Variants in SMARCC1 observed in about 807,000 individuals in gnomAD.
SMARCC1 encodes SWI/SNF related BAF chromatin remodeling complex subunit C1, also known as SWI/SNF complex subunit SMARCC1.
SMARCC1 carries 43 observed loss-of-function variants against 147.4 expected under a neutral mutation model. The ratio of observed to expected loss-of-function variants is 0.29; its 90% confidence interval spans 0.23 to 0.38. The LOEUF is 0.38. SMARCC1 is among the 10% of genes least tolerant of loss of function. The pLI is 1.00. For synonymous variants in SMARCC1, 495 were observed against 484.4 expected (o/e 1.02, Z -0.29); for missense variants, 1,119 against 1,381.1 (o/e 0.81, Z 3.01).
chr3:47,618,746 G>A (rs1461889081), intron 25 of SMARCC1, among the ~76,000 whole-genome samples: 4 of 152,082 alleles, frequency 2.6e-5, no homozygotes, highest in African/African-American at 9.7e-5. Context: ...ACAGACAACA[G>A]ATCCATCAGA....
At chr3:47,678,853 A>C (rs1029522161) in intron 15 of SMARCC1, among the ~76,000 whole-genome samples, 1 of 152,232 alleles carries the variant, frequency 6.6e-6, no homozygotes, top group African/African-American at 2.4e-5. Flanking sequence ...GTAGCTCTTC[A>C]ATCTATGCTC....
intron 5 of SMARCC1, among the ~76,000 whole-genome samples, chr3:47,732,836 G>A (rs746186668): frequency 1.2e-4 from 18 of 152,032 alleles, no homozygotes; most frequent in Admixed American, 2.0e-4. Flanking sequence ...TAAGCCAGGC[G>A]CGGTGGCTCA....
chr3:47,634,057 C>T (rs2106700873), intron 24 of SMARCC1, among the ~76,000 whole-genome samples: 1 of 152,152 alleles, frequency 6.6e-6, no homozygotes, highest in South Asian at 2.1e-4. Context: ...CTCAAAACTT[C>T]CCAGAGGGGG....
At chr3:47,667,215 G>A (rs1448991669) in intron 19 of SMARCC1, among the ~76,000 whole-genome samples, 1 of 152,020 alleles carries the variant, frequency 6.6e-6, no homozygotes, top group Non-Finnish European at 1.5e-5. Flanking sequence ...CTACTTGGGA[G>A]GCCGAGGCAG....
chr3:47,594,469 T>A lies in SMARCC1; in HGVS notation c.3044-3632A>T, dbSNP rs562417075. Among the ~76,000 whole-genome samples, 6 of 152,286 alleles carry A rather than the reference T, an allele frequency of 3.9e-5. No individual in the cohort carries two copies. In the East Asian group the frequency reaches 1.2e-3, roughly 29 times the overall value. On this transcript the variant is annotated intron_variant, in intron 26 of 27. Coordinates refer to ENST00000254480, the MANE Select transcript of SMARCC1 (RefSeq NM_003074.4). The stretch of plus-strand genomic sequence containing the variant: ...TTTTTGTCTTTTTGTGCTTGTGCCG[T>A]GTATCTAGGACAGAAATAGGCAGTG...
intron 11 of SMARCC1, among the ~76,000 whole-genome samples, chr3:47,693,628 T>C (rs2033815609): frequency 6.6e-6 from 1 of 152,176 alleles, no homozygotes; most frequent in East Asian, 1.9e-4. Flanking sequence ...TTCTAATCCA[T>C]TCATTCTTTT....
chr3:47,599,143 T>C (rs570332296), intron 26 of SMARCC1, among the ~76,000 whole-genome samples: 24 of 152,256 alleles, frequency 1.6e-4, no homozygotes, highest in Non-Finnish European at 2.6e-4. Context: ...TCCCAGCACT[T>C]TGGGGGGCTG....
intron 2 of SMARCC1, among the ~76,000 whole-genome samples, chr3:47,750,508 TCTC>T (rs1188828978): frequency 2.6e-5 from 4 of 152,144 alleles, no homozygotes; most frequent in African/African-American, 9.7e-5. Context: ...GAGACTTACT[TCTC>T]CTACAGAAAG....
At chr3:47,723,130 G>A (rs2034252621) in intron 6 of SMARCC1, among the ~76,000 whole-genome samples, 1 of 152,094 alleles carries the variant, frequency 6.6e-6, no homozygotes, top group African/African-American at 2.4e-5. Flanking sequence ...TGAAAGATGT[G>A]CTCCTAGGCA....
At chr3:47,593,364 G>A (rs1280879209) in intron 26 of SMARCC1, among the ~76,000 whole-genome samples, 2 of 151,522 alleles carry the variant, frequency 1.3e-5, no homozygotes, top group Non-Finnish European at 1.5e-5. Flanking sequence ...TAGAGACAGC[G>A]TTGCACCATG....
intron 15 of SMARCC1, 43 bp downstream of exon 15, chr3:47,680,394 G>A (rs367679652): frequency 3.5e-5 from 47 of 1,351,528 alleles, no homozygotes; most frequent in Admixed American, 2.1e-4. Flanking sequence ...AGCCCCTACC[G>A]CACACAGGCA....
chr3:47,753,488 C>T (rs906285014), intron 2 of SMARCC1, among the ~76,000 whole-genome samples: 2 of 151,466 alleles, frequency 1.3e-5, no homozygotes, highest in African/African-American at 4.8e-5. Flanking sequence ...CCGAGGCGGG[C>T]GGATCACCTG....
intron 24 of SMARCC1, among the ~76,000 whole-genome samples, chr3:47,623,134 CTTTT>C (rs763911271): frequency 3.0e-5 from 2 of 67,462 alleles, no homozygotes; most frequent in East Asian, 4.1e-4. Context: ...CTACACAAGG[CTTTT>C]TTTTTTTTTT....
chr3:47,674,626 A>G (rs1265440085), intron 18 of SMARCC1, among the ~76,000 whole-genome samples: 1 of 152,070 alleles, frequency 6.6e-6, no homozygotes, highest in Non-Finnish European at 1.5e-5. Flanking sequence ...TTCTCTCTAT[A>G]TAAATTTGGA....
chr3:47,693,094 C>G, intron 12 of SMARCC1, 147 bp downstream of exon 12: 1 of 612,068 alleles, frequency 1.6e-6, no homozygotes, highest in East Asian at 2.9e-5. Context: ...CGCTGGAGCC[C>G]AGAAGTTTAA....
chr3:47,745,050 C>T (rs1001388643), intron 3 of SMARCC1, among the ~76,000 whole-genome samples: 7 of 151,990 alleles, frequency 4.6e-5, no homozygotes, highest in Admixed American at 3.9e-4. Context: ...GGTAGATCGC[C>T]TGAGGTCAGG....
At chr3:47,659,741 G>A (rs2033315326) in intron 21 of SMARCC1, among the ~76,000 whole-genome samples, 1 of 93,444 alleles carries the variant, frequency 1.1e-5, no homozygotes, top group South Asian at 4.3e-4. Flanking sequence ...AAGACATAAA[G>A]TCTACTAAGA....
In SMARCC1 at chr3:47,725,250, C is replaced by T. The variant is rs558617809; in HGVS notation, c.646+3775G>A. Among the ~76,000 whole-genome samples, 21 of 151,834 alleles carry T rather than the reference C, an allele frequency of 1.4e-4. 1 individual carries two copies. The highest frequency in any genetic ancestry group is 1.0e-3 in the South Asian group (5 of 4,812). On this transcript the variant is annotated intron_variant, in intron 6 of 27. Coordinates refer to ENST00000254480, the MANE Select transcript of SMARCC1 (RefSeq NM_003074.4). ...GTATGTCATCATGCTTTCATTTCTA[C>T]GAAATGACCTGAACAAATATATCTA...
At chr3:47,747,930 G>T (rs1399353994) in intron 2 of SMARCC1, among the ~76,000 whole-genome samples, 1 of 152,020 alleles carries the variant, frequency 6.6e-6, no homozygotes, top group African/African-American at 2.4e-5. Flanking sequence ...GGCCAAAGCG[G>T]GTGGATCATG....
Sources: gnomAD v4.1 joint callset for allele counts (sites outside exome capture counted in the v4.1 genomes callset) on GRCh38, gnomAD v4.1.1 for gene constraint, MANE v1.5 for transcripts, NCBI Gene and HGNC (gene_info 2026-07-23, HGNC 2026-07-21) for gene names.